OTUD4: variants seen among roughly 807,000 people sequenced by gnomAD.
The protein encoded by OTUD4 is OTU deubiquitinase 4, also known as OTU domain-containing protein 4.
In OTUD4, 24 loss-of-function variants were observed where a neutral mutation model predicts 130.4. The observed-to-expected ratio is 0.18, with a 90% CI of 0.13 to 0.26. The LOEUF (loss-of-function observed/expected upper bound fraction) is 0.26. Among genes scored for constraint, OTUD4 ranks in the 10% least tolerant of loss-of-function variants. OTUD4 has a pLI of 1.00. For synonymous variants in OTUD4, 420 were observed against 472.5 expected (o/e 0.89, Z 1.44); for missense variants, 1,031 against 1,329.4 (o/e 0.78, Z 3.49).
rs779778505 is a variant in OTUD4, at chr4:145,155,704, G to C, written c.691-18C>G. ...TTCAGCTGCTAAACAAAGTCAGGAA[G>C]TCCAATCAACACATAAGTGCTTTTA... On this transcript the variant is annotated intron_variant, in intron 8 of 20. Coordinates refer to ENST00000447906, the MANE Select transcript of OTUD4 (RefSeq NM_001366057.1). 8.0e-6 allele frequency: 12 copies of C among 1,492,620 alleles called. No individual in the cohort carries two copies. The African/African-American group carries it at 1.5e-4, about 19-fold the overall frequency. The allele number at this position is 1,492,620 out of a possible 1,614,324, so 92.5% of individuals were successfully genotyped here.
chr4:145,164,313 T>A, intron 4 of OTUD4, 87 bp from the exon 5 acceptor site: 1 of 641,404 alleles, frequency 1.6e-6, no homozygotes, highest in Non-Finnish European at 2.7e-6. Flanking sequence ...AAGGGCCTAA[T>A]ACGTGCCAGG....
chr4:145,158,840 T>C (rs1172094639), intron 7 of OTUD4, among the ~76,000 whole-genome samples: 1 of 152,262 alleles, frequency 6.6e-6, no homozygotes, highest in Non-Finnish European at 1.5e-5. Context: ...GAGGAAATAC[T>C]GATTATATCC....
chr4:145,176,545 A>T (rs1752436147), intron 1 of OTUD4, among the ~76,000 whole-genome samples: 1 of 151,744 alleles, frequency 6.6e-6, no homozygotes, highest in South Asian at 2.1e-4. Context: ...AAAAAAAAAA[A>T]AAAATTAGCC....
In OTUD4 at chr4:145,147,655, G is replaced by A. The variant is rs979840473; in HGVS notation, c.1260-1226C>T. Among the ~76,000 whole-genome samples, 5 of 152,110 alleles carry A rather than the reference G, an allele frequency of 3.3e-5. No individual in the cohort carries two copies. The East Asian group carries it at 9.6e-4, about 29-fold the overall frequency. On this transcript the variant is annotated intron_variant, in intron 13 of 20. Transcript: ENST00000447906. The stretch of plus-strand genomic sequence containing the variant: ...TAGCCACATTAACAAAAGCATATAT[G>A]GCAATCTTGCTTGGTTTTTGGTTAT...
chr4:145,161,017 G>A (rs1200020757), intron 6 of OTUD4, among the ~76,000 whole-genome samples: 1 of 152,016 alleles, frequency 6.6e-6, no homozygotes, highest in Non-Finnish European at 1.5e-5. Flanking sequence ...GGCTGAGGCA[G>A]GAGAATAGCT....
chr4:145,178,873 G>A (rs1437574695), intron 1 of OTUD4, among the ~76,000 whole-genome samples: 1 of 152,118 alleles, frequency 6.6e-6, no homozygotes, highest in Non-Finnish European at 1.5e-5. Flanking sequence ...CCACAGGCGG[G>A]TAGGGAGGGG....
In OTUD4 at chr4:145,141,696, T is replaced by C. The variant is rs1750572122; in HGVS notation, c.1823-57A>G. On this transcript the variant is annotated intron_variant, in intron 18 of 20. Transcript: ENST00000447906. Reference sequence around the variant, plus strand: ...CAAAAGATGAAAATCTCTACAAATATGCTTACATTAACCTATAAAGAATGC... The same window carrying C: ...CAAAAGATGAAAATCTCTACAAATACGCTTACATTAACCTATAAAGAATGC... The C allele has an allele frequency of 1.1e-5, 16 of 1,430,554 alleles. No homozygotes were observed. In the East Asian group the frequency reaches 3.3e-4, roughly 29 times the overall value. 88.6% of individuals were successfully genotyped at this position (1,430,554 alleles called of 1,614,324 possible).
At chr4:145,146,181 T>C in intron 14 of OTUD4, 86 bp downstream of exon 14, 2 of 802,944 alleles carry the variant, frequency 2.5e-6, no homozygotes, top group African/African-American at 1.8e-5. Context: ...ATTATTAGTT[T>C]ACCCTTGGGA....
intron 7 of OTUD4, among the ~76,000 whole-genome samples, chr4:145,158,958 C>T (rs1751427103): frequency 6.6e-6 from 1 of 152,204 alleles, no homozygotes; most frequent in Non-Finnish European, 1.5e-5. Context: ...CTCTTAAACA[C>T]TATCTTGTAC....
In OTUD4 at chr4:145,180,054, T is replaced by A. The variant is rs1480397476; in HGVS notation, c.-81A>T. ...CCGCCGGCTGCTCGACGCCCCGGCC[T>A]GGGGCAGGCGGCGGCTCGGGCTGGG... On this transcript the variant is annotated 5_prime_UTR_variant, in exon 1 of 21. Coordinates refer to ENST00000447906, the MANE Select transcript of OTUD4 (RefSeq NM_001366057.1). 3.3e-5 allele frequency: 38 copies of A among 1,150,444 alleles called. No individual in the cohort carries two copies. The East Asian group carries it at 1.4e-3, about 41-fold the overall frequency. 71.3% of individuals were successfully genotyped at this position (1,150,444 alleles called of 1,614,324 possible).
At chr4:145,152,432 G>A (rs2126764378) in intron 11 of OTUD4, 109 bp downstream of exon 11, 3 of 656,546 alleles carry the variant, frequency 4.6e-6, no homozygotes, top group East Asian at 2.8e-5. Flanking sequence ...TCTATACATG[G>A]GCAATTATCT....
rs1560975860 is a variant in OTUD4, at chr4:145,138,687, G to A, written c.2125-37C>T. On this transcript the variant is annotated intron_variant, in intron 20 of 20. Transcript: ENST00000447906. ...AAAAACAGTTAAATAAACAAAAGAGGAGAAAAAAGAGAGGTTTGGGTGGAT... is the reference window on the plus strand; with the variant it reads ...AAAAACAGTTAAATAAACAAAAGAGAAGAAAAAAGAGAGGTTTGGGTGGAT... The A allele has an allele frequency of 8.4e-6, 13 of 1,547,326 alleles. No individual in the cohort carries two copies. In the Admixed American group the frequency reaches 1.9e-4, roughly 22 times the overall value.
chr4:145,134,919 A>G lies in OTUD4; in HGVS notation c.*2511T>C, dbSNP rs1750165700. 2.5e-6 allele frequency: 1 copy of G among 398,844 alleles called. No homozygotes were observed. Among genetic ancestry groups the G allele is most frequent in the African/African-American group, 2.1e-5 (1 of 48,734 alleles). The allele number at this position is 398,844 out of a possible 1,614,324, so 24.7% of individuals were successfully genotyped here. A position where few individuals can be genotyped will look rare whatever the true frequency, so the allele number is the denominator to read the frequency against. On this transcript the variant is annotated 3_prime_UTR_variant, in exon 21 of 21. Transcript: ENST00000447906. ...TCATAATTTCCAACTCAAAAATACA[A>G]ATGATCCTCAGTTCTATACTTTTGC...
At chr4:145,157,456 A>T (rs531720357) in intron 7 of OTUD4, among the ~76,000 whole-genome samples, 6 of 152,336 alleles carry the variant, frequency 3.9e-5, no homozygotes, top group Non-Finnish European at 7.4e-5. Context: ...TGGGAGGCCG[A>T]GGCGGGTGGA....
At chr4:145,147,025 C>CA (rs35780979) in intron 13 of OTUD4, among the ~76,000 whole-genome samples, 1 of 151,938 alleles carries the variant, frequency 6.6e-6, no homozygotes, top group Non-Finnish European at 1.5e-5. Flanking sequence ...TAATTTTGGT[C>CA]AAAAAAGGAT....
chr4:145,174,521 A>G, intron 2 of OTUD4, 140 bp downstream of exon 2: 1 of 588,050 alleles, frequency 1.7e-6, no homozygotes, highest in East Asian at 2.8e-5. Context: ...GATTAAGTTC[A>G]ATAGAGAAGT....
intron 10 of OTUD4, among the ~76,000 whole-genome samples, chr4:145,154,306 G>A (rs1751185975): frequency 6.6e-6 from 1 of 152,152 alleles, no homozygotes; most frequent in African/African-American, 2.4e-5. Flanking sequence ...AATGAATCAT[G>A]TTCTCTTCTC....
chr4:145,179,498 A>AT lies in OTUD4; in HGVS notation c.159+316dup, dbSNP rs1204396299. The AT allele has an allele frequency of 4.0e-5, 27 of 674,112 alleles. No homozygotes were observed. In the South Asian group the frequency reaches 9.5e-4, roughly 24 times the overall value. 41.8% of individuals were successfully genotyped at this position (674,112 alleles called of 1,614,324 possible). A position where few individuals can be genotyped will look rare whatever the true frequency, so the allele number is the denominator to read the frequency against. ...GGTGAATGCGGAACAAAAGTAAAAA[A>AT]TATCATGTCGCCAGGTCCCCAGCAA... On this transcript the variant is annotated intron_variant, in intron 1 of 20. Coordinates refer to ENST00000447906, the MANE Select transcript of OTUD4 (RefSeq NM_001366057.1).
chr4:145,160,703 C>T (rs1030619027), intron 6 of OTUD4, among the ~76,000 whole-genome samples: 4 of 152,098 alleles, frequency 2.6e-5, no homozygotes, highest in African/African-American at 7.2e-5. Flanking sequence ...ATTCCAGCTA[C>T]GCAGGAGGCC....
Sources: allele counts gnomAD v4.1 joint callset (sites outside exome capture counted in the v4.1 genomes callset), GRCh38; gene constraint gnomAD v4.1.1; transcripts MANE v1.5; gene names NCBI Gene and HGNC (gene_info 2026-07-23, HGNC 2026-07-21).